Variants in DPY19L3 observed in about 807,000 individuals in gnomAD.
The protein encoded by DPY19L3 is dpy-19 like C-mannosyltransferase 3, also known as protein C-mannosyl-transferase DPY19L3.
A neutral mutation model predicts 92.3 loss-of-function variants in DPY19L3; 51 were observed. That is an observed-to-expected ratio of 0.55 (90% CI 0.44 to 0.70). DPY19L3 has a LOEUF of 0.70. Ranked by LOEUF, DPY19L3 falls within the 30% of genes least tolerant of loss-of-function variation. The pLI is 0.00. For synonymous variants in DPY19L3, 309 were observed against 315.2 expected, an observed-to-expected ratio of 0.98 and a Z score of 0.21; for missense variants, 706 against 855.9, an observed-to-expected ratio of 0.82 and a Z score of 2.18.
chr19:32,476,528 CAAAAAAA>C (rs71176126), intron 16 of DPY19L3, among the ~76,000 whole-genome samples: 71 of 93,290 alleles, frequency 7.6e-4, no homozygotes, highest in African/African-American at 1.4e-3. Flanking sequence ...CTCAGGTTTC[CAAAAAAA>C]AAAAAAAAAA....
At position 32,436,577 on chromosome 19, in the gene DPY19L3, G is replaced by GTGATATTGAAT. The variant is rs776057100; in HGVS notation, c.450+12_450+22dup. The GTGATATTGAAT allele has an allele frequency of 6.8e-7, 1 of 1,473,664 alleles. No homozygotes were observed. The highest frequency in any genetic ancestry group is 9.1e-7 in the Non-Finnish European group (1 of 1,102,244). 91.3% of individuals were successfully genotyped at this position (1,473,664 alleles called of 1,614,324 possible). A position where few individuals can be genotyped will look rare whatever the true frequency, so the allele number is the denominator to read the frequency against. ...AGTTCTACCCATACAGGTATGTTTT[G>GTGATATTGAAT]TGATATTGAATTATTAATATCAGAT... On this transcript the variant is annotated intron_variant, in intron 5 of 18. Coordinates refer to ENST00000392250, the MANE Select transcript of DPY19L3 (RefSeq NM_001172774.2).
chr19:32,439,900 C>G lies in DPY19L3; in HGVS notation c.845C>G (p.Pro282Arg). 3 of 1,612,882 alleles carry G rather than the reference C, an allele frequency of 1.9e-6. No homozygotes were observed. Among genetic ancestry groups the G allele is most frequent in the Non-Finnish European group, 2.5e-6 (3 of 1,179,558 alleles). The change falls in exon 8 of 19, where the codon CCA becomes CGA. Residue 282 changes from proline (P) to arginine (R), a missense_variant. Physicochemically the swap from Pro to Arg is moderately radical, Grantham distance 103. Coordinates refer to ENST00000392250, the MANE Select transcript of DPY19L3 (RefSeq NM_001172774.2). ...ACACTGGACTCCCTGGACATGCTGC[C>G]AGCAGTGAAGGTGAGCTTTGCTTTC... is the stretch of plus-strand genomic sequence containing the variant. ...LFTLDSLDML[P>R]AVKATWLYGI...
chr19:32,463,665 A>G (rs1195642747), intron 13 of DPY19L3, among the ~76,000 whole-genome samples, 177 bp downstream of exon 13: 1 of 152,252 alleles, frequency 6.6e-6, no homozygotes, highest in Non-Finnish European at 1.5e-5. Context: ...ACAATTAATT[A>G]CAAACACGCC....
chr19:32,483,654 A>G lies in DPY19L3; in HGVS notation c.*1414A>G, dbSNP rs573571820. ...CATTCAAAAAGTCTTTTACACTGTC[A>G]TGTTGGACACAAGCAGACTCAGCTT... On this transcript the variant is annotated 3_prime_UTR_variant, in exon 19 of 19. Transcript: ENST00000392250. 2 of 152,398 alleles carry G rather than the reference A, an allele frequency of 1.3e-5. No homozygotes were observed. Among genetic ancestry groups the G allele is most frequent in the Admixed American group, 1.3e-4 (2 of 15,310 alleles). The allele number at this position is 152,398 out of a possible 1,614,324, so 9.4% of individuals were successfully genotyped here.
chr19:32,425,981 A>G (rs1968748287), intron 3 of DPY19L3, among the ~76,000 whole-genome samples: 1 of 152,208 alleles, frequency 6.6e-6, no homozygotes, highest in Non-Finnish European at 1.5e-5. Context: ...CCGAGATGGC[A>G]TCTTCTTCCA....
At chr19:32,447,774 TA>T (rs879480029) in intron 8 of DPY19L3, among the ~76,000 whole-genome samples, 8,640 of 137,862 alleles carry the variant, frequency 0.063, 319 homozygotes, top group African/African-American at 0.1. Flanking sequence ...GATAGATAGA[TA>T]GATTAGATAA....
chr19:32,434,238 C>T (rs1260963020), intron 4 of DPY19L3, among the ~76,000 whole-genome samples: 1 of 152,138 alleles, frequency 6.6e-6, no homozygotes, highest in African/African-American at 2.4e-5. Flanking sequence ...TGCGTGTTTC[C>T]CACAGAGACT....
At chr19:32,414,558 C>T (rs1968313423) in intron 3 of DPY19L3, among the ~76,000 whole-genome samples, 1 of 151,488 alleles carries the variant, frequency 6.6e-6, no homozygotes, top group African/African-American at 2.4e-5. Context: ...CATGCCACTG[C>T]ACTCCAGCCT....
At chr19:32,470,267 AAGAGAGTTAT>A (rs1970317709) in intron 16 of DPY19L3, among the ~76,000 whole-genome samples, 1 of 152,254 alleles carries the variant, frequency 6.6e-6, no homozygotes, top group Non-Finnish European at 1.5e-5. Flanking sequence ...TGTACAAGGA[AAGAGAGTTAT>A]TCGTGTAAAG....
chr19:32,407,266 C>CG lies in DPY19L3; in HGVS notation c.-37-951_-37-950insG, dbSNP rs1555714132. Among the ~76,000 whole-genome samples, 4 of 117,690 alleles carry CG rather than the reference C, an allele frequency of 3.4e-5. 1 individual carries two copies. The highest frequency in any genetic ancestry group is 2.2e-4 in the East Asian group (1 of 4,530). The allele number at this position is 117,690 out of a possible 152,430, so 77.2% of individuals were successfully genotyped here. On this transcript the variant is annotated intron_variant, in intron 1 of 18. Transcript: ENST00000392250. ...CTGCTGCCAAACCAGGCTCCTGCTC[C>CG]CCCCCACCCATTACTCCCACCGACG...
intron 18 of DPY19L3, chr19:32,480,830 G>C (rs1970651731): frequency 1.9e-6 from 1 of 515,176 alleles, no homozygotes; most frequent in South Asian, 3.3e-5. Context: ...TTGTATGATG[G>C]GGCTCTGCAT....
intron 16 of DPY19L3, among the ~76,000 whole-genome samples, chr19:32,471,983 G>A (rs1016050623): frequency 1.3e-5 from 2 of 152,086 alleles, no homozygotes; most frequent in South Asian, 2.1e-4. Flanking sequence ...TATGGGCACC[G>A]TGTGAAGTGT....
chr19:32,472,283 A>G (rs577332017), intron 16 of DPY19L3, among the ~76,000 whole-genome samples: 1 of 152,246 alleles, frequency 6.6e-6, no homozygotes, highest in African/African-American at 2.4e-5. Context: ...TTTTACAAGG[A>G]TGGTGTGACA....
Position 32,436,561 on chromosome 19 carries a change from C to A in DPY19L3, c.444C>A (p.Pro148=). The change falls in exon 5 of 19, where the codon CCC becomes CCA. Residue 148 remains proline, a synonymous_variant. Coordinates refer to ENST00000392250, the MANE Select transcript of DPY19L3 (RefSeq NM_001172774.2). ...TCAGTATTTTATATAGAGTTCTACC[C>A]ATACAGGTATGTTTTGTGATATTGA... The part of the protein sequence containing the change: ...VFLSILYRVL[P]IQKYLEPVYF... 1 of 1,516,694 alleles carries A rather than the reference C, an allele frequency of 6.6e-7. No individual in the cohort carries two copies. Among genetic ancestry groups the A allele is most frequent in the Non-Finnish European group, 8.9e-7 (1 of 1,126,544 alleles). The allele number at this position is 1,516,694 out of a possible 1,614,324, so 94.0% of individuals were successfully genotyped here.
intron 12 of DPY19L3, among the ~76,000 whole-genome samples, chr19:32,462,379 CTA>C (rs1970067028): frequency 1.3e-5 from 2 of 152,110 alleles, no homozygotes; most frequent in Non-Finnish European, 2.9e-5. Context: ...TAATTCAAAA[CTA>C]TGAATGGTTT....
chr19:32,409,685 A>AG (rs1252593770), intron 2 of DPY19L3, among the ~76,000 whole-genome samples: 1 of 152,222 alleles, frequency 6.6e-6, no homozygotes, highest in African/African-American at 2.4e-5. Flanking sequence ...CAGAAGACTT[A>AG]GGGGAGCCAG....
At chr19:32,480,691 C>T in intron 18 of DPY19L3, 134 bp downstream of exon 18, 1 of 1,259,852 alleles carries the variant, frequency 7.9e-7, no homozygotes, top group Middle Eastern at 2.8e-4. Flanking sequence ...TGCTTTTTCT[C>T]TTGCTTCCTA....
chr19:32,414,415 CA>C (rs36063807), intron 3 of DPY19L3, among the ~76,000 whole-genome samples: 21 of 138,378 alleles, frequency 1.5e-4, no homozygotes, highest in African/African-American at 2.2e-4. Context: ...ACTCTGTCTC[CA>C]AAAAAAAAAA....
Position 32,482,157 on chromosome 19 carries a change from A to C in DPY19L3, c.2068A>C (p.Asn690His), listed in dbSNP as rs1457082807. The change falls in exon 19 of 19, where the codon AAC (asparagine) becomes CAC (histidine). Residue 690 changes from asparagine (N) to histidine (H), a missense_variant. Physicochemically the swap from Asn to His is moderately conservative, Grantham distance 68. Transcript: ENST00000392250. ...HPRFCEEIKR[N>H]LPPYVAYFTR... ...TCGCTTCTGTGAAGAGATCAAAAGAAACCTGCCTCCCTACGTGGCCTACTT... is the reference window on the plus strand; with the variant it reads ...TCGCTTCTGTGAAGAGATCAAAAGACACCTGCCTCCCTACGTGGCCTACTT... 5.0e-6 allele frequency: 8 copies of C among 1,613,910 alleles called. No homozygotes were observed. Among genetic ancestry groups the C allele is most frequent in the Middle Eastern group, 1.7e-4 (1 of 6,054 alleles).
Sources: allele counts gnomAD v4.1 joint callset (sites outside exome capture counted in the v4.1 genomes callset), GRCh38; gene constraint gnomAD v4.1.1; transcripts MANE v1.5; gene names NCBI Gene and HGNC (gene_info 2026-07-23, HGNC 2026-07-21).